Variants in C11orf65 observed in about 807,000 individuals in gnomAD.
C11orf65 encodes protein MFI.
A neutral mutation model predicts 35.3 loss-of-function variants in C11orf65; 38 were observed. That is an observed-to-expected ratio of 1.08 (90% CI 0.83 to 1.41). The LOEUF (loss-of-function observed/expected upper bound fraction) is 1.41. Ranked by LOEUF, C11orf65 falls within the 40% of genes most tolerant of loss-of-function variation. The pLI, the probability that C11orf65 is intolerant of heterozygous loss-of-function variation, is 0.00. For synonymous variants in C11orf65, 105 were observed against 114.4 expected (o/e 0.92, Z 0.53); for missense variants, 370 against 367.1 (o/e 1.01, Z -0.06).
intron 2 of C11orf65, among the ~76,000 whole-genome samples, chr11:108,376,572 AG>A (rs1314149846): frequency 3.9e-3 from 587 of 151,078 alleles, no homozygotes; most frequent in African/African-American, 0.013. Context: ...TAAAAGAACT[AG>A]AAAAGCAAGA....
rs74995201 is a variant in C11orf65, at chr11:108,415,704, C to G, written c.175-8555G>C. ...TTGGAGAATTGACACCACCCAACTT[C>G]AAGACTTACCACGAAACTACAATAA... On this transcript the variant is annotated intron_variant, in intron 3 of 8. Coordinates refer to ENST00000393084, the MANE Select transcript of C11orf65 (RefSeq NM_152587.5). Among the ~76,000 whole-genome samples the G allele has an allele frequency of 5.9e-3, 892 of 152,220 alleles. 9 individuals carry two copies. The highest frequency in any genetic ancestry group is 0.017 in the African/African-American group (725 of 41,524).
intron 3 of C11orf65, among the ~76,000 whole-genome samples, chr11:108,427,049 T>A (rs1309593776): frequency 2.0e-5 from 3 of 152,104 alleles, no homozygotes; most frequent in Non-Finnish European, 4.4e-5. Context: ...CTAGATGGAT[T>A]AAAGACTTAA....
chr11:108,420,239 A>C (rs1591515545), intron 3 of C11orf65, among the ~76,000 whole-genome samples: 1 of 152,250 alleles, frequency 6.6e-6, no homozygotes, highest in South Asian at 2.1e-4. Context: ...AAAATTTAGA[A>C]GAACTAAATA....
chr11:108,359,336 C>T (rs2090425808), intron 2 of C11orf65, among the ~76,000 whole-genome samples: 1 of 152,004 alleles, frequency 6.6e-6, no homozygotes, highest in Non-Finnish European at 1.5e-5. Flanking sequence ...GAATCCCACA[C>T]ATTAATAATG....
chr11:108,440,865 T>C (rs959071784), intron 2 of C11orf65, among the ~76,000 whole-genome samples: 4 of 152,168 alleles, frequency 2.6e-5, no homozygotes, highest in Non-Finnish European at 4.4e-5. Flanking sequence ...GGTTCCAAGA[T>C]GGCCAAATAG....
At position 108,451,473 on chromosome 11, in the gene C11orf65, G is replaced by C. The variant is rs12276011; in HGVS notation, c.81+10006C>G. On this transcript the variant is annotated intron_variant, in intron 2 of 8. Transcript: ENST00000393084. ...GGGATGTGAAGGACCTCTTCAAGGAGAACTACAAACCACTGCTCAACAAAA... is the reference window on the plus strand; with the variant it reads ...GGGATGTGAAGGACCTCTTCAAGGACAACTACAAACCACTGCTCAACAAAA... Among the ~76,000 whole-genome samples, 926 of 151,968 alleles carry C rather than the reference G, an allele frequency of 6.1e-3. 17 individuals carry two copies. The highest frequency in any genetic ancestry group is 0.02 in the African/African-American group (833 of 41,272).
Position 108,404,952 on chromosome 11 carries a change from A to G in C11orf65, c.560+477T>C, listed in dbSNP as rs191420655. On this transcript the variant is annotated intron_variant, in intron 6 of 8. Transcript: ENST00000393084. ...TGAGGGTTTTCACATGACCTCGGTAACAGACCGGGCCGAAGGCGGCCTGGT... is the reference window on the plus strand; with the variant it reads ...TGAGGGTTTTCACATGACCTCGGTAGCAGACCGGGCCGAAGGCGGCCTGGT... Among the ~76,000 whole-genome samples, 118 of 152,356 alleles carry G rather than the reference A, an allele frequency of 7.7e-4. No homozygotes were observed. In the East Asian group the frequency reaches 0.018, roughly 23 times the overall value.
At chr11:108,457,478 C>T (rs1591611029) in intron 2 of C11orf65, among the ~76,000 whole-genome samples, 1 of 152,022 alleles carries the variant, frequency 6.6e-6, no homozygotes, top group East Asian at 1.9e-4. Context: ...CTCATCTCTA[C>T]TAAAAATACA....
At chr11:108,365,640 G>A in intron 2 of C11orf65, 1 of 1,113,804 alleles carries the variant, frequency 9.0e-7, no homozygotes, top group Non-Finnish European at 1.3e-6. Context: ...TTGAATGTTG[G>A]TTTTAATACT....
intron 6 of C11orf65, among the ~76,000 whole-genome samples, chr11:108,396,695 G>T (rs1014996656): frequency 2.0e-5 from 3 of 151,246 alleles, no homozygotes. Context: ...TTAGCTGGGC[G>T]TGGTGGCAGG....
chr11:108,312,430 G>A lies in C11orf65; in HGVS notation c.641-3359C>T, dbSNP rs786203765. Reference sequence around the variant, plus strand: ...AAACAGAAGTCTTGCATTTGAAGAAGGAAGCCAGAGTACAACTATTTCTAG... The same window carrying A: ...AAACAGAAGTCTTGCATTTGAAGAAAGAAGCCAGAGTACAACTATTTCTAG... On this transcript the variant is annotated intron_variant, in intron 6 of 6. Transcript: ENST00000525729. 8.8e-6 allele frequency: 14 copies of A among 1,595,394 alleles called. No individual in the cohort carries two copies. Among genetic ancestry groups the A allele is most frequent in the Non-Finnish European group, 1.2e-5 (14 of 1,163,304 alleles).
chr11:108,322,130 G>A (rs909734211), intron 6 of C11orf65, among the ~76,000 whole-genome samples: 1 of 151,852 alleles, frequency 6.6e-6, no homozygotes, highest in African/African-American at 2.4e-5. Context: ...TGTATACCTA[G>A]TGTTTTTGTT....
chr11:108,353,504 T>C (rs550961009), intron 2 of C11orf65, among the ~76,000 whole-genome samples: 56 of 152,294 alleles, frequency 3.7e-4, no homozygotes, highest in Non-Finnish European at 6.2e-4. Context: ...CAGTAGTTAC[T>C]TCATTTTTAA....
intron 2 of C11orf65, among the ~76,000 whole-genome samples, chr11:108,432,315 T>C (rs1190009395): frequency 6.6e-6 from 1 of 152,180 alleles, no homozygotes; most frequent in African/African-American, 2.4e-5. Flanking sequence ...TGGTGAGAAA[T>C]ACATGAATTA....
At position 108,405,562 on chromosome 11, in the gene C11orf65, A is replaced by G. The variant is rs760565514; in HGVS notation, c.430-3T>C. 1 of 1,610,124 alleles carries G rather than the reference A, an allele frequency of 6.2e-7. No homozygotes were observed. The highest frequency in any genetic ancestry group is 8.5e-7 in the Non-Finnish European group (1 of 1,178,988). Reference sequence around the variant, plus strand: ...ATACCATCAGTAGATAGCCAAAACTATTGAGAAACAAAAATGAACATACAA... The same window carrying G: ...ATACCATCAGTAGATAGCCAAAACTGTTGAGAAACAAAAATGAACATACAA... On this transcript the variant is annotated splice_polypyrimidine_tract_variant and splice_region_variant and intron_variant, in intron 5 of 8. Coordinates refer to ENST00000393084, the MANE Select transcript of C11orf65 (RefSeq NM_152587.5).
rs142412726 is a variant in C11orf65 at position 108,463,344 on chromosome 11, G to A, written c.-9-1776C>T. Among the ~76,000 whole-genome samples, 10 of 152,178 alleles carry A rather than the reference G, an allele frequency of 6.6e-5. No individual in the cohort carries two copies. In the East Asian group the frequency reaches 1.4e-3, roughly 21 times the overall value. ...CAACTTGCCATTTTTCCCTTTTGAC[G>A]TTTAAAGTTATTCAGATGCTTAAAA... On this transcript the variant is annotated intron_variant, in intron 1 of 8. Transcript: ENST00000393084.
downstream of C11orf65, chr11:108,327,892 C>T: frequency 1.3e-6 from 1 of 782,824 alleles, no homozygotes; most frequent in East Asian, 2.8e-5. Context: ...TGTTGTAGCT[C>T]TGTATAGTCT....
intron 2 of C11orf65, among the ~76,000 whole-genome samples, chr11:108,444,948 G>A (rs2093227319): frequency 6.6e-6 from 1 of 152,188 alleles, no homozygotes; most frequent in Admixed American, 6.5e-5. Context: ...CGGCACACCA[G>A]GAGATTATAT....
intron 2 of C11orf65, chr11:108,354,756 C>A (rs664982): frequency 7.0e-7 from 1 of 1,420,050 alleles, no homozygotes; most frequent in Non-Finnish European, 1.0e-6. Flanking sequence ...GATAAAGATA[C>A]GTTGACAACA....
Sources: gnomAD v4.1 joint callset for allele counts (sites outside exome capture counted in the v4.1 genomes callset) on GRCh38, gnomAD v4.1.1 for gene constraint, MANE v1.5 for transcripts, NCBI Gene and HGNC (gene_info 2026-07-23, HGNC 2026-07-21) for gene names.